The following PLCG2 variants were observed in gnomAD, a reference collection of about 807,000 sequenced individuals.
PLCG2 encodes the protein phospholipase C gamma 2.
PLCG2 carries 69 observed loss-of-function variants against 175.6 expected under a neutral mutation model. The observed-to-expected ratio is 0.39, with a 90% confidence interval of 0.32 to 0.48. The LOEUF (loss-of-function observed/expected upper bound fraction) is 0.48. Among genes scored for constraint, PLCG2 ranks in the 20% least tolerant of loss-of-function variants. PLCG2 has a pLI of 0.91. For synonymous variants in PLCG2, 827 were observed against 624.0 expected (o/e 1.33, Z -4.85); for missense variants, 1,798 against 1,650.9 (o/e 1.09, Z -1.54).
At chr16:81,894,710 T>TA (rs1908799695) in intron 12 of PLCG2, among the ~76,000 whole-genome samples, 2 of 151,980 alleles carry the variant, frequency 1.3e-5, no homozygotes, top group Non-Finnish European at 2.9e-5. Flanking sequence ...CTTTCTCTAC[T>TA]AAAAATACAG....
chr16:81,798,855 C>A, intron 2 of PLCG2: 1 of 152,528 alleles, frequency 6.6e-6, no homozygotes, highest in Non-Finnish European at 1.5e-5. Context: ...GATCCCACTG[C>A]GTCTTCTCTG....
At position 81,959,382 on chromosome 16, in the gene PLCG2, C is replaced by T; in HGVS notation, c.*1384C>T. On this transcript the variant is annotated 3_prime_UTR_variant, in exon 33 of 33. Coordinates refer to ENST00000564138, the MANE Select transcript of PLCG2 (RefSeq NM_002661.5). ...GCTCTGACCAGAAGATCCTTCTGGTCCCTTCACTCTACAAAAACTTACTGA... is the reference window on the plus strand; with the variant it reads ...GCTCTGACCAGAAGATCCTTCTGGTTCCTTCACTCTACAAAAACTTACTGA... 4.5e-6 allele frequency: 1 copy of T among 222,122 alleles called. No individual in the cohort carries two copies. The highest frequency in any genetic ancestry group is 9.0e-6 in the Non-Finnish European group (1 of 111,114). The allele number at this position is 222,122 out of a possible 1,614,324, so 13.8% of individuals were successfully genotyped here. A position where few individuals can be genotyped will look rare whatever the true frequency, so the allele number is the denominator to read the frequency against.
intron 7 of PLCG2, among the ~76,000 whole-genome samples, chr16:81,877,973 A>AT (rs71146052): frequency 0.31 from 17,537 of 55,882 alleles, 5,501 homozygotes; most frequent in East Asian, 0.55. Flanking sequence ...TTTTTTTTTA[A>AT]TTTTTTTTTT....
chr16:81,946,618 G>A (rs1911160433), intron 31 of PLCG2, among the ~76,000 whole-genome samples: 1 of 151,996 alleles, frequency 6.6e-6, no homozygotes, highest in Non-Finnish European at 1.5e-5. Context: ...TGCATCTTTA[G>A]GAATCCTATC....
intron 2 of PLCG2, among the ~76,000 whole-genome samples, chr16:81,793,860 A>T (rs75286934): frequency 0.18 from 27,597 of 152,200 alleles, 2,943 homozygotes; most frequent in Non-Finnish European, 0.25. Context: ...GCCCAAGTTA[A>T]GGAAAGGGCA....
At chr16:81,820,312 C>A (rs1480539330) in intron 2 of PLCG2, among the ~76,000 whole-genome samples, 1 of 152,190 alleles carries the variant, frequency 6.6e-6, no homozygotes, top group Non-Finnish European at 1.5e-5. Context: ...GTCTGCAGCC[C>A]CCCACCCTCC....
At position 81,958,065 on chromosome 16, in the gene PLCG2, C is replaced by G; in HGVS notation, c.*67C>G. 1 of 1,115,246 alleles carries G rather than the reference C, an allele frequency of 9.0e-7. No homozygotes were observed. Among genetic ancestry groups the G allele is most frequent in the Non-Finnish European group, 1.4e-6 (1 of 727,458 alleles). 69.1% of individuals were successfully genotyped at this position (1,115,246 alleles called of 1,614,324 possible). A position where few individuals can be genotyped will look rare whatever the true frequency, so the allele number is the denominator to read the frequency against. The stretch of plus-strand genomic sequence containing the variant: ...GTGTGTTTGCATGTAGGAGAACGTG[C>G]CCTATTCACACTCTGGGAAGACGCT... On this transcript the variant is annotated 3_prime_UTR_variant, in exon 33 of 33. Coordinates refer to ENST00000564138, the MANE Select transcript of PLCG2 (RefSeq NM_002661.5).
intron 22 of PLCG2, among the ~76,000 whole-genome samples, chr16:81,925,892 A>AAG (rs1910248825): frequency 1.5e-5 from 2 of 134,738 alleles, no homozygotes; most frequent in African/African-American, 2.8e-5. Flanking sequence ...TCTCAAAAAA[A>AAG]AAAAAAAAAA....
chr16:81,787,232 A>AT (rs562724353), intron 2 of PLCG2, among the ~76,000 whole-genome samples: 1 of 151,520 alleles, frequency 6.6e-6, no homozygotes, highest in East Asian at 1.9e-4. Flanking sequence ...AACAAAATTA[A>AT]TTTTTTTGAG....
intron 2 of PLCG2, among the ~76,000 whole-genome samples, chr16:81,838,564 A>G (rs2143414546): frequency 6.6e-6 from 1 of 151,976 alleles, no homozygotes; most frequent in African/African-American, 2.4e-5. Context: ...AACAATGAGA[A>G]CACATGGACA....
chr16:81,760,047 A>T (rs1910006073), intron 2 of PLCG2, among the ~76,000 whole-genome samples: 1 of 152,210 alleles, frequency 6.6e-6, no homozygotes, highest in Non-Finnish European at 1.5e-5. Context: ...AATGGCGTGA[A>T]CCTGGAAGGC....
At position 81,961,905 on chromosome 16, in the gene PLCG2, A is replaced by C. The variant is rs1293603459; in HGVS notation, c.*3907A>C. 2 of 198,680 alleles carry C rather than the reference A, an allele frequency of 1.0e-5. No individual in the cohort carries two copies. The highest frequency in any genetic ancestry group is 2.1e-5 in the Non-Finnish European group (2 of 96,098). 12.3% of individuals were successfully genotyped at this position (198,680 alleles called of 1,614,324 possible). Reference sequence around the variant, plus strand: ...AATTCACTTAAGAGTATCTGAGCATAAAATGTTAAGATTGCTGATCGGATG... The same window carrying C: ...AATTCACTTAAGAGTATCTGAGCATCAAATGTTAAGATTGCTGATCGGATG... On this transcript the variant is annotated 3_prime_UTR_variant, in exon 33 of 33. Coordinates refer to ENST00000564138, the MANE Select transcript of PLCG2 (RefSeq NM_002661.5).
In PLCG2 at chr16:81,762,081, T is replaced by A. The variant is rs1910053238; in HGVS notation, c.-48+6115T>A. ...AACTCCTGACCTCAGGTGACCTGTG[T>A]ACCTCGTCCTCCCAAAGTGCTCAGA... On this transcript the variant is annotated intron_variant, in intron 2 of 5. Coordinates refer to the PLCG2 transcript ENST00000565054. 2.0e-5 allele frequency among the ~76,000 whole-genome samples: 3 copies of A among 152,068 alleles called. No individual in the cohort carries two copies. In the East Asian group the frequency reaches 5.9e-4, roughly 30 times the overall value.
chr16:81,873,162 A>G (rs1022246111), intron 7 of PLCG2, among the ~76,000 whole-genome samples: 5 of 152,228 alleles, frequency 3.3e-5, no homozygotes, highest in African/African-American at 1.2e-4. Flanking sequence ...TTCTAGACCC[A>G]CTTGACCTCT....
At chr16:81,832,390 C>T (rs1905296350) in intron 2 of PLCG2, among the ~76,000 whole-genome samples, 1 of 152,120 alleles carries the variant, frequency 6.6e-6, no homozygotes, top group African/African-American at 2.4e-5. Flanking sequence ...AGAATCTGTC[C>T]CCACCCTGCC....
At chr16:81,895,971 C>T in intron 13 of PLCG2, 44 bp downstream of exon 13, 1 of 1,611,952 alleles carries the variant, frequency 6.2e-7, no homozygotes, top group Non-Finnish European at 8.5e-7. Context: ...AAGGGGAAGG[C>T]AGCTAGGGTT....
chr16:81,781,413 G>T (rs1402275212), intron 1 of PLCG2, among the ~76,000 whole-genome samples: 1 of 150,218 alleles, frequency 6.7e-6, no homozygotes. Flanking sequence ...GTTGTTTTCT[G>T]TTTTTTTTTC....
chr16:81,803,558 CTTCCTTTCCT>C (rs61092853), intron 2 of PLCG2, among the ~76,000 whole-genome samples: 15 of 132,554 alleles, frequency 1.1e-4, no homozygotes, highest in African/African-American at 3.4e-4. Context: ...CCTTTCTTTC[CTTCCTTTCCT>C]TTCCTTTCCT....
chr16:81,895,165 A>C (rs956113845), intron 12 of PLCG2, among the ~76,000 whole-genome samples: 5 of 152,228 alleles, frequency 3.3e-5, no homozygotes, highest in Non-Finnish European at 5.9e-5. Flanking sequence ...TTTACAAATA[A>C]ATTTCTCATT....
Sources: gnomAD v4.1 joint callset for allele counts (sites outside exome capture counted in the v4.1 genomes callset) on GRCh38, gnomAD v4.1.1 for gene constraint, MANE v1.5 for transcripts, NCBI Gene and HGNC (gene_info 2026-07-23, HGNC 2026-07-21) for gene names.